GABRG3: variants seen among roughly 807,000 people sequenced by gnomAD.
GABRG3 encodes gamma-aminobutyric acid receptor subunit gamma-3.
GABRG3 carries 25 observed loss-of-function variants against 48.8 expected under a neutral mutation model. The observed-to-expected ratio is 0.51, with a 90% CI of 0.37 to 0.72. The LOEUF (loss-of-function observed/expected upper bound fraction) is 0.72, where lower values mean the gene tolerates loss of function less well. Among genes scored for constraint, GABRG3 ranks in the 30% least tolerant of loss-of-function variants. The probability of loss-of-function intolerance (pLI) is 0.00; values close to 1 mark genes in which losing one functional copy is unlikely to be tolerated. For missense variants in GABRG3, 394 were observed against 577.9 expected (o/e 0.68, Z 3.26); for synonymous variants, 227 against 217.6 (o/e 1.04, Z -0.38).
chr15:27,365,949 C>T (rs577138855), intron 5 of GABRG3: 3 of 152,234 alleles, frequency 2.0e-5, no homozygotes, highest in Admixed American at 2.0e-4. Context: ...TGTTGTTATT[C>T]CTCAAATGTA....
chr15:27,499,525 A>G (rs77323832), intron 6 of GABRG3, among the ~76,000 whole-genome samples: 390 of 152,332 alleles, frequency 2.6e-3, no homozygotes, highest in African/African-American at 8.8e-3. Context: ...ATATAAAGCT[A>G]TTGTTTTAAT....
At chr15:27,204,520 A>T (rs754612085) in intron 3 of GABRG3, among the ~76,000 whole-genome samples, 1 of 151,642 alleles carries the variant, frequency 6.6e-6, no homozygotes, top group Non-Finnish European at 1.5e-5. Context: ...GGCTATTCAG[A>T]CTCTTTTTTG....
intron 3 of GABRG3, among the ~76,000 whole-genome samples, chr15:27,219,960 GCTT>G (rs1428897932): frequency 2.6e-5 from 4 of 152,286 alleles, no homozygotes; most frequent in African/African-American, 4.8e-5. Context: ...AGTAGGGGAT[GCTT>G]CTTCTTGTCA....
At chr15:27,498,782 A>C (rs1474784174) in intron 6 of GABRG3, among the ~76,000 whole-genome samples, 2 of 152,146 alleles carry the variant, frequency 1.3e-5, no homozygotes, top group African/African-American at 2.4e-5. Flanking sequence ...CTGAGATTAC[A>C]GGTGTGAGCC....
intron 5 of GABRG3, chr15:27,418,973 C>T (rs939359817): frequency 1.3e-5 from 2 of 152,222 alleles, no homozygotes; most frequent in African/African-American, 2.4e-5. Context: ...CTGGGTGGAC[C>T]GCGGCAGGAG....
intron 9 of GABRG3, 81 bp downstream of exon 9, chr15:27,528,073 G>T: frequency 9.9e-7 from 1 of 1,011,884 alleles, no homozygotes; most frequent in East Asian, 2.6e-5. Flanking sequence ...GATTGCTGTT[G>T]ATGCATGCAT....
chr15:27,151,359 T>G (rs1277613062), intron 3 of GABRG3, among the ~76,000 whole-genome samples: 2 of 34,558 alleles, frequency 5.8e-5, no homozygotes, highest in South Asian at 1.7e-3. Flanking sequence ...TTGGGACTGT[T>G]TTTTTTTTTT....
intron 3 of GABRG3, among the ~76,000 whole-genome samples, chr15:27,050,421 A>C (rs1896437577): frequency 6.6e-6 from 1 of 152,094 alleles, no homozygotes; most frequent in South Asian, 2.1e-4. Flanking sequence ...TCAGGTCTCC[A>C]GCCAACTCCC....
intron 5 of GABRG3, among the ~76,000 whole-genome samples, chr15:27,341,835 G>A (rs1434193632): frequency 2.0e-5 from 3 of 152,146 alleles, no homozygotes; most frequent in East Asian, 1.9e-4. Context: ...GCCCTGGCTC[G>A]CCACTTGGGA....
intron 3 of GABRG3, among the ~76,000 whole-genome samples, chr15:27,313,180 ATATATATATATATGTG>A (rs1473476364): frequency 1.5e-5 from 2 of 133,384 alleles, no homozygotes; most frequent in South Asian, 2.4e-4. Context: ...CAGCAGAAAC[ATATATATATATATGTG>A]TATATATATA....
At chr15:27,192,822 CT>C (rs1216147127) in intron 3 of GABRG3, among the ~76,000 whole-genome samples, 1 of 152,130 alleles carries the variant, frequency 6.6e-6, no homozygotes, top group African/African-American at 2.4e-5. Context: ...GTTTTCTGCT[CT>C]GTTTTTTCCC....
chr15:27,509,049 A>G (rs181110387), intron 6 of GABRG3, among the ~76,000 whole-genome samples: 2 of 152,076 alleles, frequency 1.3e-5, no homozygotes, highest in East Asian at 3.9e-4. Flanking sequence ...TTTCTGAGAA[A>G]CTGTTTATGT....
At chr15:27,311,517 C>T (rs149810635) in intron 3 of GABRG3, among the ~76,000 whole-genome samples, 51 of 152,156 alleles carry the variant, frequency 3.4e-4, no homozygotes, top group African/African-American at 1.2e-3. Context: ...ATCTAATATG[C>T]AGCTAGTCGC....
chr15:26,980,677 GT>G (rs1895035866), intron 2 of GABRG3, among the ~76,000 whole-genome samples: 1 of 96,062 alleles, frequency 1.0e-5, no homozygotes, highest in Admixed American at 1.4e-4. Flanking sequence ...AGACTCCTCT[GT>G]CTCAAAAAAA....
chr15:27,230,096 G>A (rs996871726), intron 3 of GABRG3, among the ~76,000 whole-genome samples: 2 of 152,010 alleles, frequency 1.3e-5, no homozygotes, highest in African/African-American at 4.8e-5. Context: ...AGTTCTCATC[G>A]TAGAGATCTT....
intron 3 of GABRG3, among the ~76,000 whole-genome samples, chr15:27,225,512 G>A (rs188261040): frequency 7.9e-5 from 12 of 152,116 alleles, no homozygotes; most frequent in Admixed American, 3.3e-4. Context: ...GATTTATGAT[G>A]TTTTTCATTC....
chr15:26,994,374 T>C (rs2140649840), intron 2 of GABRG3, among the ~76,000 whole-genome samples: 1 of 152,166 alleles, frequency 6.6e-6, no homozygotes, highest in South Asian at 2.1e-4. Context: ...GTTTTTTGAT[T>C]TGAGGTTCCC....
intron 3 of GABRG3, among the ~76,000 whole-genome samples, chr15:27,061,238 C>T (rs957065574): frequency 9.2e-5 from 14 of 152,174 alleles, no homozygotes; most frequent in Non-Finnish European, 4.4e-5. Context: ...GTTCATCAGG[C>T]GTCTGCTCTT....
At chr15:27,257,436 C>CA (rs1218507426) in intron 3 of GABRG3, among the ~76,000 whole-genome samples, 2 of 151,948 alleles carry the variant, frequency 1.3e-5, no homozygotes, top group East Asian at 3.9e-4. Flanking sequence ...GGATCATTTT[C>CA]AAAAAAATCA....
Sources: gnomAD v4.1 joint callset for allele counts (sites outside exome capture counted in the v4.1 genomes callset) on GRCh38, gnomAD v4.1.1 for gene constraint, MANE v1.5 for transcripts, NCBI Gene and HGNC (gene_info 2026-07-23, HGNC 2026-07-21) for gene names.